Variants in PARD3B observed in about 807,000 individuals in gnomAD.
The protein encoded by PARD3B is partitioning defective 3 homolog B.
In PARD3B, 103 loss-of-function variants were observed where a neutral mutation model predicts 130.2. The observed-to-expected ratio is 0.79, with a 90% CI of 0.67 to 0.93. The LOEUF is 0.93. PARD3B is among the 40% of genes least tolerant of loss of function. PARD3B has a pLI of 0.00. For synonymous variants in PARD3B, 583 were observed against 553.2 expected, an observed-to-expected ratio of 1.05 and a Z score of -0.76; for missense variants, 1,609 against 1,499.2, an observed-to-expected ratio of 1.07 and a Z score of -1.21.
intron 21 of PARD3B, among the ~76,000 whole-genome samples, chr2:205,551,756 C>T (rs921853633): frequency 6.6e-6 from 1 of 152,114 alleles, no homozygotes; most frequent in African/African-American, 2.4e-5. Context: ...TATGGAGAGC[C>T]GGGACTTTTG....
intron 1 of PARD3B, among the ~76,000 whole-genome samples, chr2:204,552,329 C>A (rs931637204): frequency 1.1e-4 from 17 of 151,996 alleles, no homozygotes; most frequent in African/African-American, 3.9e-4. Context: ...GAGAGTAAGC[C>A]CAGGTTGGCC....
intron 2 of PARD3B, among the ~76,000 whole-genome samples, chr2:204,884,079 A>C (rs1169547529): frequency 6.6e-6 from 1 of 152,186 alleles, no homozygotes; most frequent in Non-Finnish European, 1.5e-5. Context: ...TAATAGCTAA[A>C]TATTTCATCT....
chr2:204,885,623 A>C (rs1231231486), intron 2 of PARD3B, among the ~76,000 whole-genome samples: 3 of 152,258 alleles, frequency 2.0e-5, no homozygotes, highest in East Asian at 1.9e-4. Context: ...TGGAAACTTT[A>C]TTCAAGATCT....
At chr2:204,857,623 A>C (rs1400298301) in intron 2 of PARD3B, among the ~76,000 whole-genome samples, 1 of 152,160 alleles carries the variant, frequency 6.6e-6, no homozygotes, top group Non-Finnish European at 1.5e-5. Flanking sequence ...GGACAAAGGG[A>C]GTATGATCTA....
At chr2:205,510,849 C>T (rs558079071) in intron 21 of PARD3B, among the ~76,000 whole-genome samples, 7 of 152,266 alleles carry the variant, frequency 4.6e-5, no homozygotes, top group African/African-American at 1.4e-4. Flanking sequence ...GCTGACTCTG[C>T]CTTATATAAG....
chr2:204,715,785 G>A (rs188885599), intron 2 of PARD3B, among the ~76,000 whole-genome samples: 1 of 152,142 alleles, frequency 6.6e-6, no homozygotes, highest in African/African-American at 2.4e-5. Context: ...TTATACTCCC[G>A]TACATCTTCT....
At chr2:204,736,351 T>A (rs2039750028) in intron 2 of PARD3B, among the ~76,000 whole-genome samples, 1 of 152,126 alleles carries the variant, frequency 6.6e-6, no homozygotes, top group African/African-American at 2.4e-5. Flanking sequence ...TAGTGATGAA[T>A]TTTGAGATTT....
chr2:204,645,289 T>C (rs1016095066), intron 1 of PARD3B, among the ~76,000 whole-genome samples: 2 of 152,164 alleles, frequency 1.3e-5, no homozygotes, highest in African/African-American at 4.8e-5. Flanking sequence ...AGCATGACAA[T>C]TTATTAGAAA....
chr2:205,585,610 C>T lies in PARD3B; in HGVS notation c.3261-29846C>T, dbSNP rs1384340288. Among the ~76,000 whole-genome samples, 3 of 152,094 alleles carry T rather than the reference C, an allele frequency of 2.0e-5. No homozygotes were observed. The East Asian group carries it at 5.8e-4, about 29-fold the overall frequency. On this transcript the variant is annotated intron_variant, in intron 22 of 22. Coordinates refer to ENST00000406610, the MANE Select transcript of PARD3B (RefSeq NM_001302769.2). The surrounding 1 kb of genome is among the most constrained non-coding windows in gnomAD (Gnocchi z 5.4). ...GGGAGTAATTGATATCCCCAGCTCT[C>T]CTAACAGCTGAAACAACAAAGCGGG... is the stretch of plus-strand genomic sequence containing the variant.
rs2046089475 is a variant in PARD3B, at chr2:204,882,409, T to C, written c.223-82743T>C. On this transcript the variant is annotated intron_variant, in intron 2 of 22. Coordinates refer to ENST00000406610, the MANE Select transcript of PARD3B (RefSeq NM_001302769.2). Reference sequence around the variant, plus strand: ...ATAATCCTCCTAAAATTTAGCCTAATATTGGGTAATCTACAAATGCCAATA... The same window carrying C: ...ATAATCCTCCTAAAATTTAGCCTAACATTGGGTAATCTACAAATGCCAATA... 2.0e-5 allele frequency among the ~76,000 whole-genome samples: 3 copies of C among 152,226 alleles called. No homozygotes were observed. The South Asian group carries it at 6.2e-4, about 31-fold the overall frequency.
At chr2:204,758,180 C>T (rs1425019116) in intron 2 of PARD3B, among the ~76,000 whole-genome samples, 2 of 152,096 alleles carry the variant, frequency 1.3e-5, no homozygotes, top group Non-Finnish European at 2.9e-5. Context: ...GTTGGACTTA[C>T]TTTTAAAGCA....
chr2:205,455,346 AT>A (rs757921570), intron 20 of PARD3B, among the ~76,000 whole-genome samples: 38 of 152,274 alleles, frequency 2.5e-4, no homozygotes, highest in Non-Finnish European at 4.9e-4. Flanking sequence ...CAGATTACAT[AT>A]ATGAGTTCAT....
chr2:205,457,214 A>G (rs887662222), intron 20 of PARD3B, among the ~76,000 whole-genome samples: 3 of 151,742 alleles, frequency 2.0e-5, no homozygotes, highest in Non-Finnish European at 4.4e-5. Flanking sequence ...GAGTTGTGGG[A>G]GTGTTTACTT....
intron 2 of PARD3B, among the ~76,000 whole-genome samples, chr2:204,861,942 A>G (rs1471605996): frequency 1.3e-5 from 2 of 151,176 alleles, no homozygotes; most frequent in East Asian, 3.9e-4. Context: ...AAAAAAAAAA[A>G]AAAAAAAAAG....
At chr2:204,750,959 C>A (rs1426708343) in intron 2 of PARD3B, among the ~76,000 whole-genome samples, 2 of 152,080 alleles carry the variant, frequency 1.3e-5, no homozygotes, top group African/African-American at 4.8e-5. Context: ...AGTACATTGA[C>A]ACAGCTTATA....
At chr2:205,226,378 T>C (rs1366636660) in intron 15 of PARD3B, among the ~76,000 whole-genome samples, 1 of 152,194 alleles carries the variant, frequency 6.6e-6, no homozygotes, top group Non-Finnish European at 1.5e-5. Flanking sequence ...CATTTGCCCA[T>C]GTTTGCAGTT....
chr2:205,361,665 G>A (rs1236411135), intron 18 of PARD3B, among the ~76,000 whole-genome samples: 2 of 152,156 alleles, frequency 1.3e-5, no homozygotes, highest in African/African-American at 4.8e-5. Context: ...GTGTCAGTAG[G>A]TTTTACTCAC....
intron 2 of PARD3B, among the ~76,000 whole-genome samples, chr2:204,958,171 T>C (rs1427780160): frequency 6.6e-6 from 1 of 152,212 alleles, no homozygotes; most frequent in Non-Finnish European, 1.5e-5. Context: ...TGATTCTTTT[T>C]TATTTTCTAC....
rs1211700704 is a variant in PARD3B at position 204,647,578 on chromosome 2, A to G, written c.121-38603A>G. 2.0e-5 allele frequency among the ~76,000 whole-genome samples: 3 copies of G among 151,860 alleles called. No individual in the cohort carries two copies. The East Asian group carries it at 5.8e-4, about 29-fold the overall frequency. On this transcript the variant is annotated intron_variant, in intron 1 of 22. Coordinates refer to ENST00000406610, the MANE Select transcript of PARD3B (RefSeq NM_001302769.2). ...AAAATGGCCATATTGCACTGTCTCT[A>G]AAGTACCCTGGAGTGGTACACTGTG...
Sources: gnomAD v4.1 joint callset for allele counts (sites outside exome capture counted in the v4.1 genomes callset) on GRCh38, gnomAD v4.1.1 for gene constraint, Gnocchi (gnomAD v3.1) non-coding constraint, MANE v1.5 for transcripts, NCBI Gene and HGNC (gene_info 2026-07-23, HGNC 2026-07-21) for gene names.